NEDD4L: variants seen among roughly 807,000 people sequenced by gnomAD.
The protein encoded by NEDD4L is E3 ubiquitin-protein ligase NEDD4-like.
NEDD4L carries 54 observed loss-of-function variants against 148.9 expected under a neutral mutation model. The observed-to-expected ratio is 0.36, with a 90% CI of 0.29 to 0.45. The LOEUF (loss-of-function observed/expected upper bound fraction) is 0.45. Among genes scored for constraint, NEDD4L ranks in the 20% least tolerant of loss-of-function variants. The probability of loss-of-function intolerance (pLI) is 1.00; values close to 1 mark genes in which losing one functional copy is unlikely to be tolerated. For missense variants in NEDD4L, 856 were observed against 1,233.8 expected, an observed-to-expected ratio of 0.69 and a Z score of 4.59; for synonymous variants, 433 against 440.7, an observed-to-expected ratio of 0.98 and a Z score of 0.22.
chr18:58,152,212 C>T (rs140722038), intron 1 of NEDD4L, among the ~76,000 whole-genome samples: 124 of 152,208 alleles, frequency 8.1e-4, no homozygotes, highest in African/African-American at 2.6e-3. Context: ...TGTCTTCTCA[C>T]GGGGTGATTC....
Position 58,245,459 on chromosome 18 carries a change from C to A in NEDD4L, c.155C>A (p.Ala52Glu). ...DPYVKLSLYVADENRELALVQ... is the reference protein window; with the variant it reads ...DPYVKLSLYVEDENRELALVQ... The stretch of plus-strand genomic sequence containing the variant: ...TATGTGAAACTTTCATTGTACGTAG[C>A]GGATGAGAATAGAGAACTTGCTTTG... The change falls in exon 3 of 31, where the codon GCG becomes GAG. Residue 52 changes from alanine (A) to glutamate (E), a missense_variant. Coordinates refer to ENST00000400345, the MANE Select transcript of NEDD4L (RefSeq NM_001144967.3). 1.3e-6 allele frequency: 2 copies of A among 1,580,414 alleles called. No homozygotes were observed. Among genetic ancestry groups the A allele is most frequent in the Non-Finnish European group, 1.7e-6 (2 of 1,156,428 alleles).
At chr18:58,254,814 G>A (rs1460221276) in intron 5 of NEDD4L, among the ~76,000 whole-genome samples, 1 of 152,168 alleles carries the variant, frequency 6.6e-6, no homozygotes, top group East Asian at 1.9e-4. Flanking sequence ...TGGCTAACTG[G>A]TTGTGTAGCA....
intron 1 of NEDD4L, chr18:58,045,376 T>A (rs987495564): frequency 5.3e-6 from 2 of 379,226 alleles, no homozygotes; most frequent in Non-Finnish European, 9.3e-6. Context: ...TGCCATTTTT[T>A]CCTCCCGAGG....
At chr18:58,143,071 C>G (rs1429089099) in intron 1 of NEDD4L, among the ~76,000 whole-genome samples, 1 of 152,164 alleles carries the variant, frequency 6.6e-6, no homozygotes, top group Non-Finnish European at 1.5e-5. Flanking sequence ...CAAGTCCTGA[C>G]TTGGAGGGAA....
intron 2 of NEDD4L, among the ~76,000 whole-genome samples, chr18:58,178,986 G>GT (rs150631532): frequency 0.018 from 2,808 of 151,958 alleles, 78 homozygotes; most frequent in African/African-American, 0.064. Flanking sequence ...TCGCAGTTTT[G>GT]TTTTTTTTCC....
At chr18:58,141,222 C>T (rs1599054370) in intron 1 of NEDD4L, among the ~76,000 whole-genome samples, 1 of 152,042 alleles carries the variant, frequency 6.6e-6, no homozygotes, top group African/African-American at 2.4e-5. Context: ...CATTACCTGG[C>T]GGGGGATGTG....
intron 17 of NEDD4L, among the ~76,000 whole-genome samples, 183 bp from the exon 18 acceptor site, chr18:58,350,808 G>A (rs1029671604): frequency 1.3e-5 from 2 of 152,302 alleles, no homozygotes; most frequent in East Asian, 1.9e-4. Flanking sequence ...GTGATAAAGC[G>A]TGTTGCTAGA....
At chr18:58,047,716 T>C (rs980840616) in intron 1 of NEDD4L, among the ~76,000 whole-genome samples, 23 of 152,360 alleles carry the variant, frequency 1.5e-4, no homozygotes, top group Non-Finnish European at 2.5e-4. Context: ...AAACTTCTGA[T>C]TCATGGCCCA....
chr18:58,114,882 C>T (rs1041601815), intron 1 of NEDD4L, among the ~76,000 whole-genome samples: 2 of 152,236 alleles, frequency 1.3e-5, no homozygotes, highest in Non-Finnish European at 2.9e-5. Context: ...CACATCTCCT[C>T]CTGGGATGCT....
intron 19 of NEDD4L, chr18:58,359,884 C>T (rs1419434195): frequency 1.3e-5 from 2 of 152,268 alleles, no homozygotes; most frequent in Non-Finnish European, 2.9e-5. Context: ...TTCTGCCCAG[C>T]AGCACTGCCA....
At chr18:58,215,101 C>T (rs1359594456) in intron 2 of NEDD4L, among the ~76,000 whole-genome samples, 9 of 152,122 alleles carry the variant, frequency 5.9e-5, no homozygotes, top group Admixed American at 4.6e-4. Flanking sequence ...CGTGAGCCAC[C>T]ATACCCAGCC....
intron 2 of NEDD4L, among the ~76,000 whole-genome samples, chr18:58,222,869 T>C (rs967154130): frequency 1.3e-5 from 2 of 152,258 alleles, no homozygotes; most frequent in Non-Finnish European, 2.9e-5. Context: ...AAAAGTACTT[T>C]ACACATGTTT....
At chr18:58,125,615 ACT>A (rs1177034308) in intron 1 of NEDD4L, among the ~76,000 whole-genome samples, 2 of 151,298 alleles carry the variant, frequency 1.3e-5, no homozygotes, top group African/African-American at 4.9e-5. Flanking sequence ...CAGCCTCTCC[ACT>A]CTCTTCTCTG....
intron 5 of NEDD4L, among the ~76,000 whole-genome samples, chr18:58,271,617 A>G (rs900634894): frequency 3.3e-5 from 5 of 152,232 alleles, no homozygotes; most frequent in Non-Finnish European, 7.3e-5. Context: ...ACCTTTTCCA[A>G]GAAGCTTAGA....
At chr18:58,081,285 G>A (rs533281678) in intron 1 of NEDD4L, among the ~76,000 whole-genome samples, 1 of 143,038 alleles carries the variant, frequency 7.0e-6, no homozygotes, top group African/African-American at 2.7e-5. Flanking sequence ...GCGCGATCTC[G>A]GCTCACTGCA....
At chr18:58,055,960 T>C (rs2082070708) in intron 1 of NEDD4L, among the ~76,000 whole-genome samples, 1 of 152,206 alleles carries the variant, frequency 6.6e-6, no homozygotes, top group African/African-American at 2.4e-5. Context: ...CCGTATAAGG[T>C]GTTGAATAGG....
intron 2 of NEDD4L, among the ~76,000 whole-genome samples, chr18:58,181,536 A>G (rs780486380): frequency 7.2e-5 from 11 of 152,022 alleles, no homozygotes; most frequent in East Asian, 1.9e-4. Context: ...GGCTCAGGCA[A>G]CCTTCCCACG....
chr18:58,238,984 G>A (rs2046333724), intron 2 of NEDD4L, among the ~76,000 whole-genome samples: 1 of 152,098 alleles, frequency 6.6e-6, no homozygotes, highest in African/African-American at 2.4e-5. Context: ...TGTTTTATAA[G>A]TGTTATTACT....
At chr18:58,066,614 G>A (rs1004165122) in intron 1 of NEDD4L, among the ~76,000 whole-genome samples, 2 of 151,918 alleles carry the variant, frequency 1.3e-5, no homozygotes, top group Non-Finnish European at 2.9e-5. Flanking sequence ...CATCGCGCCC[G>A]GCCAAGTCCG....
Sources: allele counts gnomAD v4.1 joint callset (sites outside exome capture counted in the v4.1 genomes callset), GRCh38; gene constraint gnomAD v4.1.1; transcripts MANE v1.5; gene names NCBI Gene and HGNC (gene_info 2026-07-23, HGNC 2026-07-21).